The following TMCO4 variants were observed in gnomAD, a reference collection of about 807,000 sequenced individuals.
The protein encoded by TMCO4 is transmembrane and coiled-coil domain-containing protein 4.
A neutral mutation model predicts 64.7 loss-of-function variants in TMCO4; 58 were observed. The observed-to-expected ratio is 0.90, with a 90% CI of 0.73 to 1.12. The LOEUF (loss-of-function observed/expected upper bound fraction) is 1.12, where lower values mean the gene tolerates loss of function less well. Ranked by LOEUF, TMCO4 falls within the 50% of genes most tolerant of loss-of-function variation. TMCO4 has a pLI of 0.00. For synonymous variants in TMCO4, 325 were observed against 346.1 expected, an observed-to-expected ratio of 0.94 and a Z score of 0.68; for missense variants, 780 against 825.9, an observed-to-expected ratio of 0.94 and a Z score of 0.68.
chr1:19,763,463 G>A (rs983076568), intron 6 of TMCO4, among the ~76,000 whole-genome samples: 1 of 152,230 alleles, frequency 6.6e-6, no homozygotes, highest in Non-Finnish European at 1.5e-5. Flanking sequence ...GACACAGTAA[G>A]TGCCCGATAC....
rs947562631 is a variant in TMCO4, at chr1:19,734,678, C to T, written c.1264+2694G>A. On this transcript the variant is annotated intron_variant, in intron 13 of 15. Transcript: ENST00000294543. This position sits in a 1 kb window ranked among gnomAD's most constrained non-coding sequence, Gnocchi z 4.4. ...GACACCCCTGAGAGCCCCGCCTTTGCCCATGCTGGCCGACCCTCTGGAATG... is the reference window on the plus strand; with the variant it reads ...GACACCCCTGAGAGCCCCGCCTTTGTCCATGCTGGCCGACCCTCTGGAATG... Among the ~76,000 whole-genome samples, 1 of 152,118 alleles carries T rather than the reference C, an allele frequency of 6.6e-6. No individual in the cohort carries two copies. Among genetic ancestry groups the T allele is most frequent in the African/African-American group, 2.4e-5 (1 of 41,408 alleles).
At chr1:19,698,008 A>G (rs76707699) in intron 14 of TMCO4, among the ~76,000 whole-genome samples, 3 of 152,088 alleles carry the variant, frequency 2.0e-5, no homozygotes, top group Non-Finnish European at 2.9e-5. Flanking sequence ...CCCCTTTTCT[A>G]GAAAAGCAGA....
At chr1:19,773,539 G>A (rs2043078916) in intron 4 of TMCO4, among the ~76,000 whole-genome samples, 1 of 152,200 alleles carries the variant, frequency 6.6e-6, no homozygotes, top group Non-Finnish European at 1.5e-5. Context: ...CCCTTCAGCT[G>A]AGGCAGGCCC....
chr1:19,748,835 T>C (rs1158916991), intron 7 of TMCO4, among the ~76,000 whole-genome samples: 1 of 137,664 alleles, frequency 7.3e-6, no homozygotes, highest in African/African-American at 2.8e-5. Flanking sequence ...AATGAATGAG[T>C]GAATGAATGA....
intron 2 of TMCO4, among the ~76,000 whole-genome samples, chr1:19,792,609 T>C (rs553028323): frequency 6.6e-6 from 1 of 152,254 alleles, no homozygotes; most frequent in South Asian, 2.1e-4. Context: ...ATATGGTCAA[T>C]ACCATCTTTG....
In TMCO4 at chr1:19,708,625, C is replaced by T. The variant is rs55895952; in HGVS notation, c.1265-7740G>A. Among the ~76,000 whole-genome samples the T allele has an allele frequency of 7.1e-3, 1,086 of 152,222 alleles. 15 individuals carry two copies. The highest frequency in any genetic ancestry group is 0.024 in the African/African-American group (1,011 of 41,512). On this transcript the variant is annotated intron_variant, in intron 13 of 15. Coordinates refer to ENST00000294543, the MANE Select transcript of TMCO4 (RefSeq NM_181719.7). Reference sequence around the variant, plus strand: ...TGCCAGCGGGAATCAGGTGAAGGTCCCAGCTTCACCTTTGTCATTTCCCCC... The same window carrying T: ...TGCCAGCGGGAATCAGGTGAAGGTCTCAGCTTCACCTTTGTCATTTCCCCC...
Position 19,733,404 on chromosome 1 carries a change from C to T in TMCO4, c.1264+3968G>A, listed in dbSNP as rs113510516. On this transcript the variant is annotated intron_variant, in intron 13 of 15. Coordinates refer to ENST00000294543, the MANE Select transcript of TMCO4 (RefSeq NM_181719.7). ...CACACACGGCTGAGCAGGGCATGCACTGCCCCTGACACACAGAATCGATTC... is the reference window on the plus strand; with the variant it reads ...CACACACGGCTGAGCAGGGCATGCATTGCCCCTGACACACAGAATCGATTC... 1.3e-3 allele frequency among the ~76,000 whole-genome samples: 192 copies of T among 152,358 alleles called. 4 individuals are homozygous for T. The highest frequency in any genetic ancestry group is 4.4e-3 in the African/African-American group (181 of 41,576).
intron 2 of TMCO4, among the ~76,000 whole-genome samples, chr1:19,796,543 C>G (rs1331056106): frequency 6.6e-6 from 1 of 152,032 alleles, no homozygotes; most frequent in Admixed American, 6.5e-5. Flanking sequence ...CCTCCACTCC[C>G]GCCTCTAACC....
chr1:19,748,786 C>T (rs1216186955), intron 7 of TMCO4, among the ~76,000 whole-genome samples: 12 of 152,272 alleles, frequency 7.9e-5, no homozygotes, highest in African/African-American at 2.6e-4. Context: ...GATCCCACCA[C>T]TGCACTCCAG....
intron 6 of TMCO4, among the ~76,000 whole-genome samples, chr1:19,761,908 C>T (rs2042520817): frequency 6.6e-6 from 1 of 152,234 alleles, no homozygotes; most frequent in South Asian, 2.1e-4. Flanking sequence ...GGGAAGGGAA[C>T]CCGGCATCCC....
chr1:19,744,818 T>C (rs1246404637), intron 10 of TMCO4, among the ~76,000 whole-genome samples: 4 of 152,192 alleles, frequency 2.6e-5, no homozygotes, highest in Non-Finnish European at 5.9e-5. Context: ...TATTGTGCCA[T>C]CCATAAAGCT....
Position 19,682,972 on chromosome 1 carries a change from G to C in TMCO4, c.*68C>G. On this transcript the variant is annotated 3_prime_UTR_variant, in exon 16 of 16. Coordinates refer to ENST00000294543, the MANE Select transcript of TMCO4 (RefSeq NM_181719.7). ...CCTGTACCTCCAGAGCTCCTGGGAG[G>C]AACCCGAGGGTATAAGAGAGAGCTG... 1 of 1,511,364 alleles carries C rather than the reference G, an allele frequency of 6.6e-7. No homozygotes were observed. The highest frequency in any genetic ancestry group is 8.9e-7 in the Non-Finnish European group (1 of 1,129,042). The allele number at this position is 1,511,364 out of a possible 1,614,324, so 93.6% of individuals were successfully genotyped here.
chr1:19,702,500 C>T (rs948067875), intron 13 of TMCO4, among the ~76,000 whole-genome samples: 2 of 152,068 alleles, frequency 1.3e-5, no homozygotes, highest in Admixed American at 6.5e-5. Flanking sequence ...GAGGCTGAGG[C>T]GCGAAAATTG....
chr1:19,777,727 T>C (rs1035432614), intron 4 of TMCO4, among the ~76,000 whole-genome samples: 1 of 152,212 alleles, frequency 6.6e-6, no homozygotes, highest in Non-Finnish European at 1.5e-5. Flanking sequence ...TCTCCTGTTG[T>C]TTAAATCTCT....
chr1:19,756,690 A>C (rs1218035727), intron 6 of TMCO4, among the ~76,000 whole-genome samples: 1 of 152,180 alleles, frequency 6.6e-6, no homozygotes, highest in Non-Finnish European at 1.5e-5. Context: ...ACCCAGAAGA[A>C]TTTATGGCTA....
At chr1:19,724,652 G>A (rs2095400692) in intron 13 of TMCO4, among the ~76,000 whole-genome samples, 2 of 152,204 alleles carry the variant, frequency 1.3e-5, no homozygotes, top group South Asian at 4.1e-4. Context: ...TAATTAGTCT[G>A]AAGCCCAGAC....
chr1:19,726,963 T>C (rs929198262), intron 13 of TMCO4, among the ~76,000 whole-genome samples: 26 of 152,196 alleles, frequency 1.7e-4, no homozygotes, highest in African/African-American at 6.0e-4. Context: ...CATCTGAACA[T>C]GTGGCGGGAC....
At chr1:19,737,726 C>A (rs1339129803) in intron 12 of TMCO4, among the ~76,000 whole-genome samples, 1 of 152,238 alleles carries the variant, frequency 6.6e-6, no homozygotes, top group Non-Finnish European at 1.5e-5. Context: ...CATCTCAAAT[C>A]ATTATCCAGC....
intron 13 of TMCO4, among the ~76,000 whole-genome samples, chr1:19,710,008 C>G (rs561674934): frequency 6.6e-6 from 1 of 151,894 alleles, no homozygotes; most frequent in African/African-American, 2.4e-5. Context: ...CTTGAATTCT[C>G]GACCTCAGGT....
Sources: gnomAD v4.1 joint callset for allele counts (sites outside exome capture counted in the v4.1 genomes callset) on GRCh38, gnomAD v4.1.1 for gene constraint, Gnocchi (gnomAD v3.1) non-coding constraint, MANE v1.5 for transcripts, NCBI Gene and HGNC (gene_info 2026-07-23, HGNC 2026-07-21) for gene names.